The following NELL1 variants were observed in gnomAD, a reference collection of about 807,000 sequenced individuals.
NELL1 encodes the protein protein kinase C-binding protein NELL1.
NELL1 carries 76 observed loss-of-function variants against 107.4 expected under a neutral mutation model. The observed-to-expected ratio is 0.71, with a 90% CI of 0.59 to 0.86. The LOEUF is 0.86. NELL1 is among the 40% of genes least tolerant of loss of function. The pLI, the probability that NELL1 is intolerant of heterozygous loss-of-function variation, is 0.00. For synonymous variants in NELL1, 353 were observed against 341.2 expected, an observed-to-expected ratio of 1.03 and a Z score of -0.38; for missense variants, 1,024 against 1,005.5, an observed-to-expected ratio of 1.02 and a Z score of -0.25.
chr11:20,673,644 T>C (rs1404633698), intron 1 of NELL1, among the ~76,000 whole-genome samples: 4 of 152,236 alleles, frequency 2.6e-5, no homozygotes, highest in Admixed American at 2.6e-4. Context: ...TAGTCAGGCC[T>C]CAAGTGCCTC....
intron 7 of NELL1, among the ~76,000 whole-genome samples, chr11:20,920,893 T>A (rs929063264): frequency 2.0e-5 from 3 of 147,600 alleles, no homozygotes; most frequent in Non-Finnish European, 4.4e-5. Flanking sequence ...GCAAATTTTT[T>A]AATCCATCTT....
intron 15 of NELL1, among the ~76,000 whole-genome samples, chr11:21,517,203 T>C (rs1855588452): frequency 6.6e-6 from 1 of 152,178 alleles, no homozygotes; most frequent in African/African-American, 2.4e-5. Flanking sequence ...GACCTCAACT[T>C]TTCTACATGT....
At chr11:21,212,672 C>T (rs1302735756) in intron 13 of NELL1, among the ~76,000 whole-genome samples, 1 of 152,180 alleles carries the variant, frequency 6.6e-6, no homozygotes, top group East Asian at 1.9e-4. Flanking sequence ...TCTCCCAAAT[C>T]CATTGTTAGT....
intron 2 of NELL1, among the ~76,000 whole-genome samples, chr11:20,732,841 C>A (rs1224471606): frequency 6.6e-6 from 1 of 152,068 alleles, no homozygotes; most frequent in Non-Finnish European, 1.5e-5. Flanking sequence ...ATCATTTAGA[C>A]CTGAGTTCAT....
chr11:21,010,170 G>A (rs1400384), intron 12 of NELL1, among the ~76,000 whole-genome samples: 48,390 of 151,806 alleles, frequency 0.32, 10,067 homozygotes, highest in African/African-American at 0.59. Flanking sequence ...TACATGGCTT[G>A]TGATGAAAAA....
intron 1 of NELL1, among the ~76,000 whole-genome samples, chr11:20,676,662 A>G (rs1480957246): frequency 6.6e-6 from 1 of 152,200 alleles, no homozygotes; most frequent in African/African-American, 2.4e-5. Flanking sequence ...ACAGGAAAAG[A>G]GTAAGGAAAG....
chr11:21,305,478 A>G (rs1380263656), intron 14 of NELL1, among the ~76,000 whole-genome samples: 1 of 152,004 alleles, frequency 6.6e-6, no homozygotes, highest in African/African-American at 2.4e-5. Flanking sequence ...CATAATTGCC[A>G]TTCTAGCAAG....
chr11:20,789,039 G>C (rs1278437279), intron 3 of NELL1, among the ~76,000 whole-genome samples: 3 of 152,130 alleles, frequency 2.0e-5, no homozygotes, highest in Non-Finnish European at 4.4e-5. Flanking sequence ...AAGATCAATT[G>C]ACCATAAATA....
intron 12 of NELL1, among the ~76,000 whole-genome samples, chr11:20,992,728 T>TTTTTC (rs1852002918): frequency 7.1e-6 from 1 of 141,254 alleles, no homozygotes; most frequent in South Asian, 2.3e-4. Flanking sequence ...TTTTTTTTTT[T>TTTTTC]TTTGAAACAG....
chr11:20,910,477 G>A lies in NELL1; in HGVS notation c.604-7705G>A, dbSNP rs561005406. Reference sequence around the variant, plus strand: ...TTCCAACTGAAACATCTCCATTTCCGGCCCCGCACTCACCACAGTTTGAGA... The same window carrying A: ...TTCCAACTGAAACATCTCCATTTCCAGCCCCGCACTCACCACAGTTTGAGA... On this transcript the variant is annotated intron_variant, in intron 5 of 19. Transcript: ENST00000357134. Among the ~76,000 whole-genome samples, 17 of 152,136 alleles carry A rather than the reference G, an allele frequency of 1.1e-4. No individual in the cohort carries two copies. The East Asian group carries it at 1.4e-3, about 12-fold the overall frequency.
chr11:21,274,544 C>G (rs537888194), intron 14 of NELL1, among the ~76,000 whole-genome samples: 2 of 152,146 alleles, frequency 1.3e-5, no homozygotes, highest in Non-Finnish European at 2.9e-5. Flanking sequence ...CTGCACCAAG[C>G]GGACCTAATA....
chr11:21,036,092 C>T (rs1013587588), intron 12 of NELL1, among the ~76,000 whole-genome samples: 1 of 152,058 alleles, frequency 6.6e-6, no homozygotes, highest in African/African-American at 2.4e-5. Context: ...GCACCAACAA[C>T]AGTCAAGCTG....
intron 5 of NELL1, among the ~76,000 whole-genome samples, chr11:20,900,434 A>G (rs746939673): frequency 1.6e-4 from 25 of 152,282 alleles, no homozygotes; most frequent in Non-Finnish European, 3.1e-4. Context: ...CAAGGTATGG[A>G]CACAGTGAGG....
intron 14 of NELL1, among the ~76,000 whole-genome samples, chr11:21,302,506 TAAAAA>T (rs1849514681): frequency 6.6e-6 from 1 of 152,130 alleles, no homozygotes; most frequent in Admixed American, 6.6e-5. Context: ...AAATTAAACT[TAAAAA>T]AGAATCTACA....
intron 14 of NELL1, among the ~76,000 whole-genome samples, chr11:21,294,866 A>G (rs1590812921): frequency 3.9e-5 from 6 of 152,206 alleles, no homozygotes; most frequent in Admixed American, 3.9e-4. Flanking sequence ...AAAATACTAT[A>G]GACTCACAGA....
chr11:21,007,686 T>G (rs984495404), intron 12 of NELL1, among the ~76,000 whole-genome samples: 2 of 152,090 alleles, frequency 1.3e-5, no homozygotes, highest in African/African-American at 4.8e-5. Flanking sequence ...ACATTCACAC[T>G]TACTTGCAAT....
At chr11:21,073,089 A>G (rs1433290560) in intron 12 of NELL1, among the ~76,000 whole-genome samples, 1 of 152,064 alleles carries the variant, frequency 6.6e-6, no homozygotes, top group Non-Finnish European at 1.5e-5. Context: ...TGTCTCGTCA[A>G]TTTGGTAGAA....
chr11:20,965,481 A>G (rs1248976231), intron 12 of NELL1, among the ~76,000 whole-genome samples: 2 of 152,182 alleles, frequency 1.3e-5, no homozygotes, highest in Admixed American at 6.5e-5. Context: ...GGGAGAATAC[A>G]TTTAGATGGA....
intron 15 of NELL1, among the ~76,000 whole-genome samples, chr11:21,511,573 G>C (rs892425512): frequency 5.3e-5 from 8 of 152,172 alleles, no homozygotes; most frequent in South Asian, 2.1e-4. Context: ...AGGAAGCAAG[G>C]TAATGGATTA....
Sources: gnomAD v4.1 joint callset for allele counts (sites outside exome capture counted in the v4.1 genomes callset) on GRCh38, gnomAD v4.1.1 for gene constraint, MANE v1.5 for transcripts, NCBI Gene and HGNC (gene_info 2026-07-23, HGNC 2026-07-21) for gene names.